MCF2L2: variants seen among roughly 807,000 people sequenced by gnomAD.
The protein encoded by MCF2L2 is MCF.2 cell line derived transforming sequence-like 2, also known as probable guanine nucleotide exchange factor MCF2L2.
In MCF2L2, 102 loss-of-function variants were observed where a neutral mutation model predicts 150.2. That is an observed-to-expected ratio of 0.68 (90% confidence interval 0.58 to 0.80). The LOEUF (loss-of-function observed/expected upper bound fraction) is 0.80. Ranked by LOEUF, MCF2L2 falls within the 30% of genes least tolerant of loss-of-function variation. The pLI, the probability that MCF2L2 is intolerant of heterozygous loss-of-function variation, is 0.00. For synonymous variants in MCF2L2, 465 were observed against 491.3 expected (o/e 0.95, Z 0.71); for missense variants, 1,256 against 1,372.8 (o/e 0.91, Z 1.34).
intron 3 of MCF2L2, among the ~76,000 whole-genome samples, chr3:183,365,344 T>C (rs992678924): frequency 5.9e-5 from 9 of 151,962 alleles, no homozygotes; most frequent in Non-Finnish European, 2.9e-5. Flanking sequence ...GCTAGACAAA[T>C]AGAAAACAGG....
chr3:183,346,669 C>T (rs543051476), intron 3 of MCF2L2, among the ~76,000 whole-genome samples: 54 of 152,164 alleles, frequency 3.5e-4, no homozygotes, highest in Non-Finnish European at 6.3e-4. Flanking sequence ...ACTCCATAGT[C>T]TCAGCCCAAA....
At chr3:183,390,555 C>T (rs758951671) in intron 1 of MCF2L2, among the ~76,000 whole-genome samples, 1 of 152,140 alleles carries the variant, frequency 6.6e-6, no homozygotes, top group African/African-American at 2.4e-5. Flanking sequence ...TCAACCTAGG[C>T]TGAAGAGAGG....
Position 183,179,751 on chromosome 3 carries a change from G to A in MCF2L2, c.3106-59C>T, listed in dbSNP as rs1056493556. ...TATTGCTGGAGGCTGTGGCCAGACCGGGCAAGGTGGTGACTCCCGCTGGCA... is the reference window on the plus strand; with the variant it reads ...TATTGCTGGAGGCTGTGGCCAGACCAGGCAAGGTGGTGACTCCCGCTGGCA... On this transcript the variant is annotated intron_variant, in intron 28 of 29. Coordinates refer to ENST00000328913, the MANE Select transcript of MCF2L2 (RefSeq NM_015078.4). This position sits in a 1 kb window ranked among gnomAD's most constrained non-coding sequence, Gnocchi z 4.2. 3.7e-5 allele frequency: 54 copies of A among 1,470,208 alleles called. No homozygotes were observed. The Middle Eastern group carries it at 8.8e-4, about 24-fold the overall frequency. The allele number at this position is 1,470,208 out of a possible 1,614,324, so 91.1% of individuals were successfully genotyped here.
At chr3:183,361,580 T>TA (rs1472526517) in intron 3 of MCF2L2, among the ~76,000 whole-genome samples, 1 of 152,198 alleles carries the variant, frequency 6.6e-6, no homozygotes, top group Non-Finnish European at 1.5e-5. Flanking sequence ...ACTGTGATTG[T>TA]AAGTTTCCTG....
rs1435078922 is a variant in MCF2L2 at position 183,379,370 on chromosome 3, C to CT, written c.201dup (p.Glu68ArgfsTer11). ...GGGATGTGTTTGAACCCCGAAAACT[C>CT]TGGGAACGTGATGATGGGGGCGCCA... On this transcript the variant is annotated frameshift_variant, in exon 3 of 30. Transcript: ENST00000328913. LOFTEE classifies it high-confidence loss of function. The CT allele has an allele frequency of 3.9e-5, 63 of 1,610,708 alleles. No homozygotes were observed. The highest frequency in any genetic ancestry group is 5.3e-5 in the Non-Finnish European group (63 of 1,178,664).
chr3:183,286,881 C>T (rs1343760356), intron 14 of MCF2L2, among the ~76,000 whole-genome samples: 1 of 152,150 alleles, frequency 6.6e-6, no homozygotes. Flanking sequence ...AACAAATCAA[C>T]AATAAGGAAG....
Position 183,341,588 on chromosome 3 carries a change from T to C in MCF2L2, c.318A>G (p.Arg106=), listed in dbSNP as rs753821786. The change falls in exon 4 of 30, where the codon AGA becomes AGG. Residue 106 remains arginine, a synonymous_variant. Transcript: ENST00000328913. The part of the protein sequence containing the change: ...ASIGFIVVID[R]RRDKWSSVKA... ...TTACGGAGCTCCACTTGTCTCTTCG[T>C]CTGTCGATAACAACAATGAATCCAA... 6.2e-7 allele frequency: 1 copy of C among 1,614,170 alleles called. No homozygotes were observed. The highest frequency in any genetic ancestry group is 8.5e-7 in the Non-Finnish European group (1 of 1,179,984).
intron 3 of MCF2L2, among the ~76,000 whole-genome samples, chr3:183,347,207 A>G (rs891444353): frequency 6.6e-6 from 1 of 152,192 alleles, no homozygotes; most frequent in African/African-American, 2.4e-5. Context: ...CAAAACAAAT[A>G]TATAGACCAA....
chr3:183,202,525 T>G (rs939534632), intron 25 of MCF2L2, among the ~76,000 whole-genome samples: 2 of 152,218 alleles, frequency 1.3e-5, no homozygotes, highest in Non-Finnish European at 2.9e-5. Flanking sequence ...AAGTGAAAGC[T>G]AGGCTAGAAC....
intron 1 of MCF2L2, among the ~76,000 whole-genome samples, chr3:183,407,732 G>T (rs138515269): frequency 3.9e-5 from 6 of 152,250 alleles, no homozygotes; most frequent in Non-Finnish European, 8.8e-5. Context: ...AATATGTCAA[G>T]GTCTAAAATC....
chr3:183,341,766 C>T (rs1315023260), intron 3 of MCF2L2, 136 bp from the exon 4 acceptor site: 10 of 622,246 alleles, frequency 1.6e-5, no homozygotes, highest in Non-Finnish European at 2.9e-5. Flanking sequence ...GCACAACCAA[C>T]TCCCTCTCCC....
Position 183,178,434 on chromosome 3 carries a change from C to T in MCF2L2, c.*946G>A, listed in dbSNP as rs1721388619. ...AGTGAGCCGAGATCACACCACTGCA[C>T]TCCAGCCTGGGCGACAGAGCGAGAC... On this transcript the variant is annotated 3_prime_UTR_variant, in exon 30 of 30. Transcript: ENST00000328913. 6.6e-6 allele frequency: 1 copy of T among 151,796 alleles called. No homozygotes were observed. The highest frequency in any genetic ancestry group is 1.5e-5 in the Non-Finnish European group (1 of 68,040). 9.4% of individuals were successfully genotyped at this position (151,796 alleles called of 1,614,324 possible). A position where few individuals can be genotyped will look rare whatever the true frequency, so the allele number is the denominator to read the frequency against.
intron 7 of MCF2L2, among the ~76,000 whole-genome samples, chr3:183,315,889 A>G (rs1023900458): frequency 6.6e-6 from 1 of 152,180 alleles, no homozygotes; most frequent in South Asian, 2.1e-4. Flanking sequence ...CCTTTTCTCC[A>G]GAGACCTTCC....
In MCF2L2 at chr3:183,179,463, T is replaced by C; in HGVS notation, c.3262A>G (p.Thr1088Ala). The part of the protein sequence containing the change: ...STEEERAGAS[T>A]GRLAPAGATA... ...GCCCCCGCAGGAGCCAGCCGGCCCG[T>C]GGACGCCCCAGCGCGCTCCTCCTCG... Residue 1088 changes from threonine (T) to alanine (A), a missense_variant, in exon 30 of 30, where the codon ACG becomes GCG. Physicochemically the swap from Thr to Ala is moderately conservative, Grantham distance 58. Coordinates refer to ENST00000328913, the MANE Select transcript of MCF2L2 (RefSeq NM_015078.4). The surrounding 1 kb of genome is among the most constrained non-coding windows in gnomAD (Gnocchi z 4.2). The C allele has an allele frequency of 6.3e-7, 1 of 1,598,952 alleles. No homozygotes were observed. The highest frequency in any genetic ancestry group is 8.5e-7 in the Non-Finnish European group (1 of 1,172,172).
chr3:183,180,946 C>T (rs1202903568), intron 27 of MCF2L2, among the ~76,000 whole-genome samples: 1 of 152,238 alleles, frequency 6.6e-6, no homozygotes, highest in Admixed American at 6.5e-5. Context: ...GAGTCTCTGC[C>T]CCACATGGCT....
chr3:183,412,640 T>C (rs576525601), intron 1 of MCF2L2, among the ~76,000 whole-genome samples: 14 of 152,326 alleles, frequency 9.2e-5, no homozygotes, highest in Admixed American at 2.6e-4. Flanking sequence ...GGATTTTCTA[T>C]ATACAAGATC....
intron 6 of MCF2L2, among the ~76,000 whole-genome samples, chr3:183,319,599 T>G (rs992532198): frequency 1.3e-5 from 2 of 152,248 alleles, no homozygotes; most frequent in African/African-American, 4.8e-5. Context: ...AACTGAAAGT[T>G]GAAATTGCTC....
intron 15 of MCF2L2, among the ~76,000 whole-genome samples, chr3:183,275,931 T>C (rs1425841823): frequency 2.7e-5 from 4 of 146,506 alleles, no homozygotes; most frequent in Non-Finnish European, 4.4e-5. Flanking sequence ...TGGCCTGTTA[T>C]AAGTTAATAC....
intron 2 of MCF2L2, among the ~76,000 whole-genome samples, chr3:183,381,460 A>G (rs182075891): frequency 2.0e-4 from 30 of 152,360 alleles, no homozygotes; most frequent in African/African-American, 6.5e-4. Flanking sequence ...TCCAAGCCTG[A>G]TAAGAATCTT....
Sources: allele counts gnomAD v4.1 joint callset (sites outside exome capture counted in the v4.1 genomes callset), GRCh38; gene constraint gnomAD v4.1.1; non-coding constraint Gnocchi (gnomAD v3.1); transcripts MANE v1.5; gene names NCBI Gene and HGNC (gene_info 2026-07-23, HGNC 2026-07-21).